AKAP1: variants seen among roughly 807,000 people sequenced by gnomAD.
AKAP1 encodes A-kinase anchoring protein 1.
In AKAP1, 32 loss-of-function variants were observed where a neutral mutation model predicts 79.8. The observed-to-expected ratio is 0.40, with a 90% confidence interval of 0.30 to 0.54. The LOEUF (loss-of-function observed/expected upper bound fraction) is 0.54. Ranked by LOEUF, AKAP1 falls within the 20% of genes least tolerant of loss-of-function variation. The pLI is 0.47. For synonymous variants in AKAP1, 416 were observed against 466.7 expected, an observed-to-expected ratio of 0.89 and a Z score of 1.40; for missense variants, 961 against 1,138.9, an observed-to-expected ratio of 0.84 and a Z score of 2.25.
intron 5 of AKAP1, 52 bp downstream of exon 5, chr17:57,112,670 A>C: frequency 6.5e-7 from 1 of 1,549,884 alleles, no homozygotes; most frequent in Non-Finnish European, 8.7e-7. Context: ...CCCCAAACCT[A>C]CCCCAAACAA....
chr17:57,111,656 G>T, intron 3 of AKAP1, 142 bp from the exon 4 acceptor site: 1 of 1,060,490 alleles, frequency 9.4e-7, no homozygotes, highest in African/African-American at 1.6e-5. Context: ...TAAGTGCTTA[G>T]AATAGTCCTG....
intron 1 of AKAP1, among the ~76,000 whole-genome samples, chr17:57,087,003 G>A (rs1039041790): frequency 6.6e-6 from 1 of 152,154 alleles, no homozygotes; most frequent in African/African-American, 2.4e-5. Flanking sequence ...GTGAAGTTAT[G>A]TTTTGGGAAC....
chr17:57,105,734 A>G lies in AKAP1; in HGVS notation c.270A>G (p.Ala90=), dbSNP rs751741026. 2 of 1,614,190 alleles carry G rather than the reference A, an allele frequency of 1.2e-6. No individual in the cohort carries two copies. Among genetic ancestry groups the G allele is most frequent in the Middle Eastern group, 1.6e-4 (1 of 6,062 alleles). The change falls in exon 2 of 11, where the codon GCA becomes GCG. Residue 90 remains alanine (A), a synonymous_variant. Coordinates refer to ENST00000337714, the MANE Select transcript of AKAP1 (RefSeq NM_003488.4). ...TGTCCACCGTGAGCAAGCTGCCTGC[A>G]GAGCCCCCAGCATTGCTCCAGACAC... ...KELSTVSKLP[A]EPPALLQTHP...
chr17:57,110,085 G>A lies in AKAP1; in HGVS notation c.1775G>A (p.Ser592Asn). ...DSCCSLKKTE[S>N]FQNAQAGSNP... ...TGTTGCAGTCTCAAGAAGACTGAGAGCTTCCAAAATGCCCAGGCAGGCTCC... is the reference window on the plus strand; with the variant it reads ...TGTTGCAGTCTCAAGAAGACTGAGAACTTCCAAAATGCCCAGGCAGGCTCC... Residue 592 changes from serine (S) to asparagine (N), a missense_variant, in exon 3 of 11, where the codon AGC becomes AAC. Ser to Asn is a conservative substitution (Grantham distance 46). This residue lies in a region of AKAP1 where 629 missense variants were observed against 781.1 expected (regional missense o/e 0.81). Transcript: ENST00000337714. 1 of 1,614,176 alleles carries A rather than the reference G, an allele frequency of 6.2e-7. No homozygotes were observed.
intron 1 of AKAP1, among the ~76,000 whole-genome samples, chr17:57,104,681 G>C (rs530157517): frequency 1.3e-5 from 2 of 152,248 alleles, no homozygotes; most frequent in East Asian, 3.8e-4. Context: ...TTGCGAGAGA[G>C]TAGCGCATCA....
chr17:57,108,135 C>A, intron 2 of AKAP1: 1 of 729,918 alleles, frequency 1.4e-6, no homozygotes, highest in Non-Finnish European at 1.8e-6. Flanking sequence ...TCCCGAGTGG[C>A]TCTCTGACTT....
At chr17:57,095,485 T>TTTTTTTTTTC (rs1567898364) in intron 1 of AKAP1, 1 of 138,182 alleles carries the variant, frequency 7.2e-6, no homozygotes, top group East Asian at 2.1e-4. Flanking sequence ...TTTTTTTTTT[T>TTTTTTTTTTC]CTTCTGCCCT....
Position 57,105,679 on chromosome 17 carries a change from C to T in AKAP1, c.215C>T (p.Pro72Leu). Residue 72 changes from proline to leucine, a missense_variant, in exon 2 of 11, where the codon CCC becomes CTC. This residue lies in a region of AKAP1 where 108 missense variants were observed against 147.6 expected (regional missense o/e 0.73). Coordinates refer to ENST00000337714, the MANE Select transcript of AKAP1 (RefSeq NM_003488.4). Reference protein sequence around the residue: ...DVCPKVVSTPPSVTEPPEKEL... With the variant: ...DVCPKVVSTPLSVTEPPEKEL... Reference sequence around the variant, plus strand: ...TGTCCCAAAGTAGTGTCCACACCCCCCAGTGTCACAGAGCCTCCAGAAAAG... The same window carrying T: ...TGTCCCAAAGTAGTGTCCACACCCCTCAGTGTCACAGAGCCTCCAGAAAAG... 6.2e-7 allele frequency: 1 copy of T among 1,614,168 alleles called. No individual in the cohort carries two copies. The highest frequency in any genetic ancestry group is 1.1e-5 in the South Asian group (1 of 91,086).
At chr17:57,115,661 C>T (rs1277561720) in intron 6 of AKAP1, among the ~76,000 whole-genome samples, 1 of 152,210 alleles carries the variant, frequency 6.6e-6, no homozygotes, top group African/African-American at 2.4e-5. Flanking sequence ...TCAAGCTCTC[C>T]AGCTGAGTTG....
chr17:57,102,174 G>A (rs904683348), intron 1 of AKAP1, among the ~76,000 whole-genome samples: 5 of 152,318 alleles, frequency 3.3e-5, no homozygotes, highest in Middle Eastern at 6.8e-3. Flanking sequence ...GGACTTCAGC[G>A]ATCCTCCTGT....
rs1425506229 is a variant in AKAP1, at chr17:57,115,097, C to T, written c.2281+461C>T. 3.9e-5 allele frequency among the ~76,000 whole-genome samples: 6 copies of T among 152,110 alleles called. No individual in the cohort carries two copies. The East Asian group carries it at 1.2e-3, about 29-fold the overall frequency. On this transcript the variant is annotated intron_variant, in intron 6 of 10. Transcript: ENST00000337714. ...GCCTGTGCAGCGTGTTGGGTCATCTCCATTTAACAGATGAGAAAACTGGGC... is the reference window on the plus strand; with the variant it reads ...GCCTGTGCAGCGTGTTGGGTCATCTTCATTTAACAGATGAGAAAACTGGGC...
intron 4 of AKAP1, 136 bp downstream of exon 4, chr17:57,112,060 C>A: frequency 8.4e-7 from 1 of 1,185,974 alleles, no homozygotes; most frequent in Non-Finnish European, 1.2e-6. Flanking sequence ...CATTAGGTAT[C>A]TTCCCTGCAG....
In AKAP1 at chr17:57,119,057, C is replaced by T. The variant is rs780495392; in HGVS notation, c.2637+13C>T. ...GGTTGGAGATGAAGTAAGTTCTGCC[C>T]TTCTTTTCCTTCTGTGTTGCTGGCC... is the stretch of plus-strand genomic sequence containing the variant. On this transcript the variant is annotated intron_variant, in intron 10 of 10. Coordinates refer to ENST00000337714, the MANE Select transcript of AKAP1 (RefSeq NM_003488.4). The T allele has an allele frequency of 6.2e-7, 1 of 1,612,658 alleles. No homozygotes were observed. Among genetic ancestry groups the T allele is most frequent in the South Asian group, 1.1e-5 (1 of 90,988 alleles).
chr17:57,107,217 C>T, intron 2 of AKAP1, 39 bp downstream of exon 2: 1 of 1,539,376 alleles, frequency 6.5e-7, no homozygotes, highest in Non-Finnish European at 8.8e-7. Context: ...ATGGGGCGCT[C>T]CCAGTATTTC....
chr17:57,116,069 C>T, intron 6 of AKAP1, 42 bp from the exon 7 acceptor site: 1 of 1,598,378 alleles, frequency 6.3e-7, no homozygotes, highest in Non-Finnish European at 8.5e-7. Flanking sequence ...GGTGCCCTGC[C>T]CTGGCCCAGG....
intron 6 of AKAP1, among the ~76,000 whole-genome samples, chr17:57,114,896 T>A (rs1240126395): frequency 1.4e-5 from 2 of 145,878 alleles, no homozygotes; most frequent in Non-Finnish European, 3.1e-5. Flanking sequence ...TTTTTTTTAA[T>A]TTTTTCTTTT....
intron 8 of AKAP1, 62 bp from the exon 9 acceptor site, chr17:57,118,319 C>A: frequency 6.7e-7 from 1 of 1,496,388 alleles, no homozygotes; most frequent in Non-Finnish European, 9.3e-7. Flanking sequence ...AACTTGTGTA[C>A]ATGACAAGGG....
chr17:57,088,756 C>T (rs1287071215), intron 1 of AKAP1, among the ~76,000 whole-genome samples: 1 of 152,162 alleles, frequency 6.6e-6, no homozygotes, highest in East Asian at 1.9e-4. Flanking sequence ...GTGTCCTTTG[C>T]CTTAACTTTT....
intron 1 of AKAP1, chr17:57,092,119 C>G (rs905206785): frequency 6.6e-6 from 1 of 152,162 alleles, no homozygotes; most frequent in African/African-American, 2.4e-5. Context: ...AAAATGCAAA[C>G]ATGAAAGGAG....
Sources: allele counts gnomAD v4.1 joint callset (sites outside exome capture counted in the v4.1 genomes callset), GRCh38; gene constraint gnomAD v4.1.1; regional missense constraint gnomAD v4.1.1; transcripts MANE v1.5; gene names NCBI Gene and HGNC (gene_info 2026-07-23, HGNC 2026-07-21).